The following TNFRSF10B variants were observed in gnomAD, a reference collection of about 807,000 sequenced individuals.
TNFRSF10B encodes the protein TNF receptor superfamily member 10b.
A neutral mutation model predicts 41.4 loss-of-function variants in TNFRSF10B; 35 were observed. That is an observed-to-expected ratio of 0.85 (90% CI 0.65 to 1.12). The LOEUF (loss-of-function observed/expected upper bound fraction) is 1.12. TNFRSF10B is among the 50% of genes most tolerant of loss of function. The pLI is 0.00. For missense variants in TNFRSF10B, 584 were observed against 552.7 expected (o/e 1.06, Z -0.57); for synonymous variants, 230 against 215.5 (o/e 1.07, Z -0.59).
chr8:23,026,013 T>C (rs982750882), intron 7 of TNFRSF10B, among the ~76,000 whole-genome samples: 8 of 151,978 alleles, frequency 5.3e-5, no homozygotes, highest in Non-Finnish European at 7.4e-5. Context: ...GAGGCAGGGG[T>C]TGCAATGAGC....
intron 2 of TNFRSF10B, among the ~76,000 whole-genome samples, chr8:23,039,161 T>C (rs886133710): frequency 6.6e-5 from 10 of 151,948 alleles, no homozygotes; most frequent in African/African-American, 2.4e-4. Context: ...TTCACGCTCC[T>C]ATGAAGTCTA....
chr8:23,047,164 C>A (rs1293104188), intron 1 of TNFRSF10B, among the ~76,000 whole-genome samples: 4 of 152,000 alleles, frequency 2.6e-5, no homozygotes, highest in African/African-American at 9.7e-5. Context: ...TCAAGACCAG[C>A]CTGATCAACA....
rs1811860977 is a variant in TNFRSF10B at position 23,030,842 on chromosome 8, C to T, written c.281G>A (p.Cys94Tyr). The change falls in exon 3 of 9, where the codon TGC (cysteine) becomes TAC (tyrosine). Residue 94 changes from cysteine (C) to tyrosine (Y), a missense_variant. Coordinates refer to ENST00000276431, the MANE Select transcript of TNFRSF10B (RefSeq NM_003842.5). ...GHHISEDGRDCISCKYGQDYS... is the reference protein window; with the variant it reads ...GHHISEDGRDYISCKYGQDYS... ...GTCCTGTCCATATTTGCAGGAGATG[C>T]AATCTCTACCGTCTTCTGAGATATG... The T allele has an allele frequency of 6.2e-7, 1 of 1,612,064 alleles. No homozygotes were observed. The highest frequency in any genetic ancestry group is 1.3e-5 in the African/African-American group (1 of 74,818).
chr8:23,061,276 A>G (rs1487865376), intron 1 of TNFRSF10B, among the ~76,000 whole-genome samples: 1 of 152,230 alleles, frequency 6.6e-6, no homozygotes. Context: ...TTGTCAAAAT[A>G]CATCCTCCTT....
Position 23,068,731 on chromosome 8 carries a change from G to A in TNFRSF10B, c.144+20C>T. ...GCCAGGCACGCTCTTCCCCAGCCAGGGACCGCGGCGGGGACTCACCAACAG... is the reference window on the plus strand; with the variant it reads ...GCCAGGCACGCTCTTCCCCAGCCAGAGACCGCGGCGGGGACTCACCAACAG... On this transcript the variant is annotated intron_variant, in intron 1 of 8. Coordinates refer to ENST00000276431, the MANE Select transcript of TNFRSF10B (RefSeq NM_003842.5). 2 of 1,561,772 alleles carry A rather than the reference G, an allele frequency of 1.3e-6. No individual in the cohort carries two copies. Among genetic ancestry groups the A allele is most frequent in the Non-Finnish European group, 1.7e-6 (2 of 1,154,328 alleles).
chr8:23,056,346 A>G (rs1177861083), intron 1 of TNFRSF10B, among the ~76,000 whole-genome samples: 2 of 152,158 alleles, frequency 1.3e-5, no homozygotes, highest in African/African-American at 2.4e-5. Flanking sequence ...TTTTTGCCTG[A>G]TAAGACTCAG....
chr8:23,038,961 T>C (rs1812096951), intron 2 of TNFRSF10B, among the ~76,000 whole-genome samples: 1 of 151,982 alleles, frequency 6.6e-6, no homozygotes, highest in Non-Finnish European at 1.5e-5. Flanking sequence ...ATCACTATTA[T>C]ATGGTAACAT....
chr8:23,024,326 AC>A, intron 7 of TNFRSF10B, 66 bp from the exon 8 acceptor site: 1 of 1,581,604 alleles, frequency 6.3e-7, no homozygotes, highest in African/African-American at 1.3e-5. Flanking sequence ...ACTGACCCCG[AC>A]CACCAGCCAG....
At chr8:23,040,057 G>T (rs1812125304) in intron 2 of TNFRSF10B, among the ~76,000 whole-genome samples, 1 of 151,560 alleles carries the variant, frequency 6.6e-6, no homozygotes, top group Non-Finnish European at 1.5e-5. Context: ...CAGGCATGGT[G>T]GCTACTCCCT....
chr8:23,028,268 G>C, intron 5 of TNFRSF10B, 63 bp downstream of exon 5: 2 of 1,608,322 alleles, frequency 1.2e-6, no homozygotes, highest in Non-Finnish European at 1.7e-6. Flanking sequence ...CTGTCTGTGG[G>C]AATAGGGTGG....
chr8:23,022,490 T>C lies in TNFRSF10B; in HGVS notation c.*181A>G. The C allele has an allele frequency of 1.4e-6, 1 of 714,012 alleles. No homozygotes were observed. Among genetic ancestry groups the C allele is most frequent in the Non-Finnish European group, 2.5e-6 (1 of 397,980 alleles). The allele number at this position is 714,012 out of a possible 1,614,324, so 44.2% of individuals were successfully genotyped here. A position where few individuals can be genotyped will look rare whatever the true frequency, so the allele number is the denominator to read the frequency against. ...TATCACATTCAGCTTATAAAAATAATGCCAAGTGCAGTGAAAAGTTACAGG... is the reference window on the plus strand; with the variant it reads ...TATCACATTCAGCTTATAAAAATAACGCCAAGTGCAGTGAAAAGTTACAGG... On this transcript the variant is annotated 3_prime_UTR_variant, in exon 9 of 9. Coordinates refer to ENST00000276431, the MANE Select transcript of TNFRSF10B (RefSeq NM_003842.5).
At chr8:23,043,608 T>C (rs144966690) in intron 1 of TNFRSF10B, among the ~76,000 whole-genome samples, 56 of 152,328 alleles carry the variant, frequency 3.7e-4, no homozygotes, top group African/African-American at 1.3e-3. Context: ...TTTCTCTCTT[T>C]CTCTTATTCT....
intron 1 of TNFRSF10B, among the ~76,000 whole-genome samples, chr8:23,059,352 A>G (rs1336076958): frequency 1.3e-5 from 2 of 152,378 alleles, no homozygotes; most frequent in Middle Eastern, 3.4e-3. Flanking sequence ...ACGTATACCT[A>G]GAAGTGGGAA....
At position 23,027,245 on chromosome 8, in the gene TNFRSF10B, A is replaced by G. The variant is rs750534468; in HGVS notation, c.824T>C (p.Ile275Thr). 1.9e-6 allele frequency: 3 copies of G among 1,614,064 alleles called. No individual in the cohort carries two copies. Among genetic ancestry groups the G allele is most frequent in the South Asian group, 1.1e-5 (1 of 91,080 alleles). Residue 275 changes from isoleucine to threonine, a missense_variant, in exon 7 of 9, where the codon ATC becomes ACC. Physicochemically the swap from Ile to Thr is moderately conservative, Grantham distance 89. Coordinates refer to ENST00000276431, the MANE Select transcript of TNFRSF10B (RefSeq NM_003842.5). ...PGAEDNVLNE[I>T]VSILQPTQVP... ...CTGGGTGGGCTGCAAGATACTCACG[A>G]TCTCATTGAGGACATTGTCCTCAGC...
chr8:23,021,134 GA>G lies in TNFRSF10B; in HGVS notation c.*1536del. 2 of 454,132 alleles carry G rather than the reference GA, an allele frequency of 4.4e-6. No homozygotes were observed. Among genetic ancestry groups the G allele is most frequent in the Non-Finnish European group, 8.8e-6 (2 of 226,806 alleles). 28.1% of individuals were successfully genotyped at this position (454,132 alleles called of 1,614,324 possible). On this transcript the variant is annotated 3_prime_UTR_variant, in exon 9 of 9. Transcript: ENST00000276431. The stretch of plus-strand genomic sequence containing the variant: ...CTGCATAAATGATCCTTCCATGACT[GA>G]AATACTATGGAGAAGGGTTTGCTGG...
intron 1 of TNFRSF10B, among the ~76,000 whole-genome samples, chr8:23,064,090 T>C (rs2128821735): frequency 6.6e-6 from 1 of 152,358 alleles, no homozygotes; most frequent in African/African-American, 2.4e-5. Context: ...TTCCTTTCCT[T>C]AGCACAGTTT....
At chr8:23,048,446 A>G (rs1281862187) in intron 1 of TNFRSF10B, among the ~76,000 whole-genome samples, 1 of 151,678 alleles carries the variant, frequency 6.6e-6, no homozygotes, top group Non-Finnish European at 1.5e-5. Context: ...TCAAAAAAAA[A>G]AAAAAAAAAA....
At chr8:23,035,295 C>G (rs955435537) in intron 2 of TNFRSF10B, among the ~76,000 whole-genome samples, 6 of 152,102 alleles carry the variant, frequency 3.9e-5, no homozygotes, top group Admixed American at 1.3e-4. Context: ...ATGTGTGCCA[C>G]CACATCCAAC....
chr8:23,053,825 CA>C (rs1812588672), intron 1 of TNFRSF10B, among the ~76,000 whole-genome samples: 1 of 152,154 alleles, frequency 6.6e-6, no homozygotes, highest in African/African-American at 2.4e-5. Flanking sequence ...GAAGCATTGT[CA>C]AACATGAAAT....
Sources: gnomAD v4.1 joint callset for allele counts (sites outside exome capture counted in the v4.1 genomes callset) on GRCh38, gnomAD v4.1.1 for gene constraint, MANE v1.5 for transcripts, NCBI Gene and HGNC (gene_info 2026-07-23, HGNC 2026-07-21) for gene names.